COX7B2: variants seen among roughly 807,000 people sequenced by gnomAD.
The protein encoded by COX7B2 is cytochrome c oxidase subunit 7B2, mitochondrial.
For missense variants in COX7B2, 109 were observed against 95.9 expected, an observed-to-expected ratio of 1.14 and a Z score of -0.57; for synonymous variants, 37 against 32.1, an observed-to-expected ratio of 1.15 and a Z score of -0.51.
At chr4:46,805,209 G>A (rs1477794397) in intron 2 of COX7B2, among the ~76,000 whole-genome samples, 1 of 152,198 alleles carries the variant, frequency 6.6e-6, no homozygotes, top group African/African-American at 2.4e-5. Context: ...AGCCGGCTCT[G>A]GCCTTGGCCA....
At chr4:46,754,720 G>GTATATATATATA (rs1244503006) in intron 2 of COX7B2, among the ~76,000 whole-genome samples, 64 of 36,776 alleles carry the variant, frequency 1.7e-3, no homozygotes, top group South Asian at 4.8e-3. Context: ...GTGTGTGTGT[G>GTATATATATATA]TGTGTGTGTA....
chr4:46,873,340 G>A (rs1718122190), intron 1 of COX7B2, among the ~76,000 whole-genome samples: 1 of 152,166 alleles, frequency 6.6e-6, no homozygotes, highest in African/African-American at 2.4e-5. Flanking sequence ...TATATACCCA[G>A]TAATGGGATT....
intron 2 of COX7B2, among the ~76,000 whole-genome samples, chr4:46,795,506 T>C (rs1163886459): frequency 6.3e-5 from 9 of 143,674 alleles, no homozygotes; most frequent in Non-Finnish European, 1.2e-4. Flanking sequence ...GATCAGATAG[T>C]TGTAGATATT....
intron 1 of COX7B2, among the ~76,000 whole-genome samples, chr4:46,873,537 T>G (rs1284380559): frequency 1.3e-5 from 2 of 152,210 alleles, no homozygotes; most frequent in South Asian, 2.1e-4. Flanking sequence ...GGTATCTCAT[T>G]GTGGTTTTGA....
intron 2 of COX7B2, among the ~76,000 whole-genome samples, chr4:46,810,396 A>C (rs1719228537): frequency 6.6e-6 from 1 of 151,888 alleles, no homozygotes; most frequent in South Asian, 2.1e-4. Context: ...AATTTTCTGT[A>C]GTGCTAACTT....
intron 2 of COX7B2, among the ~76,000 whole-genome samples, chr4:46,836,366 AT>A (rs925534069): frequency 4.0e-5 from 6 of 151,246 alleles, no homozygotes; most frequent in African/African-American, 1.2e-4. Context: ...TTTTTTTTAT[AT>A]TTTTTTAAAG....
At position 46,735,140 on chromosome 4, in the gene COX7B2, ATGCTTTGAATCTTGAGAC is replaced by A. The variant is rs1186134690; in HGVS notation, c.35_52del (p.Ser12_Ser17del). On this transcript the variant is annotated inframe_deletion, in exon 3 of 3. Coordinates refer to ENST00000355591, the MANE Select transcript of COX7B2 (RefSeq NM_130902.3). ...GCTATGTCTTGCCATGCTTTGCAGA[ATGCTTTGAATCTTGAGAC>A]TGCTTAGTGCATTTCTGGCCAAGGG... The A allele has an allele frequency of 2.5e-6, 4 of 1,613,410 alleles. No individual in the cohort carries two copies. The highest frequency in any genetic ancestry group is 3.4e-6 in the Non-Finnish European group (4 of 1,179,830).
chr4:46,782,545 A>G (rs1306702132), intron 2 of COX7B2, among the ~76,000 whole-genome samples: 1 of 152,150 alleles, frequency 6.6e-6, no homozygotes, highest in Non-Finnish European at 1.5e-5. Flanking sequence ...GAATAAAAGC[A>G]GGCTGCCCAA....
intron 2 of COX7B2, among the ~76,000 whole-genome samples, chr4:46,746,039 T>C (rs1211997545): frequency 2.0e-5 from 3 of 152,162 alleles, no homozygotes; most frequent in African/African-American, 7.2e-5. Context: ...CTAGATACAG[T>C]TTATATAGTT....
chr4:46,767,215 C>T (rs1022350149), intron 2 of COX7B2, among the ~76,000 whole-genome samples: 8 of 152,122 alleles, frequency 5.3e-5, no homozygotes, highest in Non-Finnish European at 1.2e-4. Context: ...ATATATACAG[C>T]TGTATCAGAC....
At chr4:46,804,290 A>C (rs946993330) in intron 2 of COX7B2, among the ~76,000 whole-genome samples, 4 of 152,146 alleles carry the variant, frequency 2.6e-5, no homozygotes, top group East Asian at 3.9e-4. Context: ...GAAAGAACGA[A>C]GCTTCCACGG....
intron 2 of COX7B2, among the ~76,000 whole-genome samples, chr4:46,755,826 T>C (rs530848550): frequency 9.9e-5 from 15 of 152,092 alleles, no homozygotes; most frequent in African/African-American, 3.4e-4. Context: ...CACAAACAAA[T>C]GGAAAGCATC....
At chr4:46,739,483 T>TG (rs1714576252) in intron 2 of COX7B2, among the ~76,000 whole-genome samples, 1 of 152,088 alleles carries the variant, frequency 6.6e-6, no homozygotes, top group Non-Finnish European at 1.5e-5. Context: ...ATCAGCACAA[T>TG]GTCTACTCTA....
In COX7B2 at chr4:46,825,924, C is replaced by T. The variant is rs182398064; in HGVS notation, c.-50+19036G>A. On this transcript the variant is annotated intron_variant, in intron 2 of 2. Transcript: ENST00000355591. Reference sequence around the variant, plus strand: ...AATGTAAAACCCAAAACTATAAAATCCCTGGAAATCAACCTAGGTAGTACC... The same window carrying T: ...AATGTAAAACCCAAAACTATAAAATTCCTGGAAATCAACCTAGGTAGTACC... Among the ~76,000 whole-genome samples the T allele has an allele frequency of 3.9e-5, 6 of 152,148 alleles. No homozygotes were observed. In the East Asian group the frequency reaches 7.7e-4, roughly 20 times the overall value.
At chr4:46,857,252 A>G (rs1466752836) in intron 1 of COX7B2, among the ~76,000 whole-genome samples, 6 of 152,124 alleles carry the variant, frequency 3.9e-5, no homozygotes, top group African/African-American at 1.4e-4. Flanking sequence ...TAATAACAAC[A>G]CTTACCCTAT....
chr4:46,820,552 G>A (rs1172160095), intron 2 of COX7B2, among the ~76,000 whole-genome samples: 1 of 152,108 alleles, frequency 6.6e-6, no homozygotes. Flanking sequence ...AGGAGGCTGG[G>A]CACAGTGGCT....
intron 1 of COX7B2, among the ~76,000 whole-genome samples, chr4:46,866,742 G>T (rs1279596040): frequency 6.6e-6 from 1 of 151,948 alleles, no homozygotes. Flanking sequence ...TAGACCTTTG[G>T]CAAATGTAAT....
intron 2 of COX7B2, among the ~76,000 whole-genome samples, chr4:46,819,252 C>CT (rs1714095017): frequency 6.6e-6 from 1 of 151,986 alleles, no homozygotes; most frequent in Non-Finnish European, 1.5e-5. Flanking sequence ...TATCAAAAAC[C>CT]CTTTAGCGGA....
chr4:46,824,385 A>T (rs1187556446), intron 2 of COX7B2, among the ~76,000 whole-genome samples: 1 of 152,100 alleles, frequency 6.6e-6, no homozygotes, highest in African/African-American at 2.4e-5. Context: ...TCCTTGCAAG[A>T]TAGTGAGGTA....
Sources: allele counts gnomAD v4.1 joint callset (sites outside exome capture counted in the v4.1 genomes callset), GRCh38; gene constraint gnomAD v4.1.1; transcripts MANE v1.5; gene names NCBI Gene and HGNC (gene_info 2026-07-23, HGNC 2026-07-21).